Variants in APBB1IP observed in about 807,000 individuals in gnomAD.
APBB1IP encodes the protein amyloid beta A4 precursor protein-binding family B member 1-interacting protein.
Under a neutral mutation model 64.9 loss-of-function variants are expected in APBB1IP, and 27 were observed. The observed-to-expected ratio is 0.42, with a 90% confidence interval of 0.31 to 0.57. APBB1IP has a LOEUF of 0.57. Among genes scored for constraint, APBB1IP ranks in the 20% least tolerant of loss-of-function variants. The pLI is 0.20. For missense variants in APBB1IP, 812 were observed against 845.5 expected, an observed-to-expected ratio of 0.96 and a Z score of 0.49; for synonymous variants, 392 against 331.0, an observed-to-expected ratio of 1.18 and a Z score of -2.00.
At chr10:26,534,016 T>A (rs1344923843) in intron 9 of APBB1IP, among the ~76,000 whole-genome samples, 2 of 151,736 alleles carry the variant, frequency 1.3e-5, no homozygotes, top group African/African-American at 4.8e-5. Context: ...TATTGAATTA[T>A]CACAGAGATT....
chr10:26,445,668 G>GT (rs1835390043), intron 2 of APBB1IP, among the ~76,000 whole-genome samples: 1 of 152,202 alleles, frequency 6.6e-6, no homozygotes, highest in South Asian at 2.1e-4. Context: ...CCACAAAGAA[G>GT]TTTTTTGTGC....
chr10:26,562,518 A>C, intron 14 of APBB1IP, 89 bp downstream of exon 14: 1 of 1,107,406 alleles, frequency 9.0e-7, no homozygotes, highest in African/African-American at 1.5e-5. Context: ...AGAGAAAATA[A>C]GCTGAGTGCA....
intron 8 of APBB1IP, among the ~76,000 whole-genome samples, chr10:26,529,553 G>C (rs1213950863): frequency 6.6e-6 from 1 of 152,196 alleles, no homozygotes; most frequent in Non-Finnish European, 1.5e-5. Flanking sequence ...GTTTAGACAG[G>C]TTCTTCCCTG....
chr10:26,521,198 C>CT, intron 8 of APBB1IP, among the ~76,000 whole-genome samples: 1 of 152,136 alleles, frequency 6.6e-6, no homozygotes, highest in East Asian at 1.9e-4. Flanking sequence ...AAGTATGAGT[C>CT]TAACTATTGA....
chr10:26,489,607 A>G (rs1016376819), intron 2 of APBB1IP, among the ~76,000 whole-genome samples: 18 of 152,246 alleles, frequency 1.2e-4, no homozygotes, highest in Non-Finnish European at 1.8e-4. Flanking sequence ...TGGGTGCTAA[A>G]TGTTGCTAAT....
At chr10:26,558,371 C>T (rs1415162426) in intron 11 of APBB1IP, among the ~76,000 whole-genome samples, 1 of 152,112 alleles carries the variant, frequency 6.6e-6, no homozygotes, top group Non-Finnish European at 1.5e-5. Flanking sequence ...GACATCTGGA[C>T]TGGAATACCT....
intron 2 of APBB1IP, among the ~76,000 whole-genome samples, chr10:26,478,437 G>C (rs1224675569): frequency 1.3e-5 from 2 of 152,122 alleles, no homozygotes; most frequent in African/African-American, 4.8e-5. Context: ...TGTAATCCCA[G>C]CACTTTGGGA....
At chr10:26,503,304 C>A (rs1440204877) in intron 6 of APBB1IP, 30 bp downstream of exon 6, 2 of 1,607,870 alleles carry the variant, frequency 1.2e-6, no homozygotes, top group Admixed American at 3.4e-5. Flanking sequence ...TGCATGGGGG[C>A]AGTTCAATTA....
intron 2 of APBB1IP, among the ~76,000 whole-genome samples, chr10:26,469,258 CTTTTTTTTTTTTT>C (rs386361721): frequency 8.9e-6 from 1 of 112,946 alleles, no homozygotes; most frequent in East Asian, 2.5e-4. Flanking sequence ...CTTTTCTTTT[CTTTTTTTTTTTTT>C]TTTTTTGAGA....
chr10:26,443,486 G>A (rs1252156178), intron 2 of APBB1IP, among the ~76,000 whole-genome samples: 1 of 151,364 alleles, frequency 6.6e-6, no homozygotes, highest in African/African-American at 2.4e-5. Flanking sequence ...AATAAATAAA[G>A]GAGGCAAAAG....
At chr10:26,513,750 C>T in intron 8 of APBB1IP, 90 bp downstream of exon 8, 1 of 1,449,484 alleles carries the variant, frequency 6.9e-7, no homozygotes, top group Non-Finnish European at 9.2e-7. Context: ...GAGACAGGGT[C>T]TGAAAGGCTG....
Position 26,567,249 on chromosome 10 carries a change from C to T in APBB1IP, c.1762C>T (p.Pro588Ser). ...CCCAGACTTCGTGCCCCCGCCCCCGCCGTCGTACGCAGGGATCGCGGGCTC... is the reference window on the plus strand; with the variant it reads ...CCCAGACTTCGTGCCCCCGCCCCCGTCGTCGTACGCAGGGATCGCGGGCTC... ...PPPDFVPPPP[P>S]SYAGIAGSEL... Residue 588 changes from proline (P) to serine (S), a missense_variant, in exon 15 of 15, where the codon CCG becomes TCG. Pro to Ser is a moderately conservative substitution (Grantham distance 74). Around this residue, in one of 3 missense-constraint regions of APBB1IP, gnomAD observed 381 missense variants for 352.1 expected, o/e 1.08. Coordinates refer to ENST00000376236, the MANE Select transcript of APBB1IP (RefSeq NM_019043.4). 1 of 1,319,266 alleles carries T rather than the reference C, an allele frequency of 7.6e-7. No homozygotes were observed. Among genetic ancestry groups the T allele is most frequent in the South Asian group, 1.7e-5 (1 of 57,536 alleles). The allele number at this position is 1,319,266 out of a possible 1,614,324, so 81.7% of individuals were successfully genotyped here. A position where few individuals can be genotyped will look rare whatever the true frequency, so the allele number is the denominator to read the frequency against.
chr10:26,546,557 C>G (rs1275232907), intron 11 of APBB1IP, among the ~76,000 whole-genome samples: 2 of 152,184 alleles, frequency 1.3e-5, no homozygotes, highest in East Asian at 3.8e-4. Context: ...ATCCTCTCTT[C>G]TAGCTGTTTG....
intron 2 of APBB1IP, among the ~76,000 whole-genome samples, chr10:26,445,891 A>C (rs1445149748): frequency 6.6e-6 from 1 of 152,176 alleles, no homozygotes; most frequent in Non-Finnish European, 1.5e-5. Flanking sequence ...TGATCGAGAT[A>C]AGTGACATTT....
At chr10:26,547,740 C>T (rs767048037) in intron 11 of APBB1IP, among the ~76,000 whole-genome samples, 3 of 152,092 alleles carry the variant, frequency 2.0e-5, no homozygotes, top group East Asian at 3.8e-4. Flanking sequence ...CCACTGCGCC[C>T]GGCCAGTTTT....
Position 26,567,767 on chromosome 10 carries a change from C to A in APBB1IP, c.*279C>A. ...TTAGGTTCATTTATTTTATTATGTTCAGAAGCATCAAATAAAAGTTAAACG... is the reference window on the plus strand; with the variant it reads ...TTAGGTTCATTTATTTTATTATGTTAAGAAGCATCAAATAAAAGTTAAACG... On this transcript the variant is annotated 3_prime_UTR_variant, in exon 15 of 15. Transcript: ENST00000376236. 1 of 498,408 alleles carries A rather than the reference C, an allele frequency of 2.0e-6. No homozygotes were observed. Among genetic ancestry groups the A allele is most frequent in the Non-Finnish European group, 2.9e-6 (1 of 340,356 alleles). The allele number at this position is 498,408 out of a possible 1,614,324, so 30.9% of individuals were successfully genotyped here.
chr10:26,514,141 T>C (rs1836296040), intron 8 of APBB1IP, among the ~76,000 whole-genome samples: 1 of 152,330 alleles, frequency 6.6e-6, no homozygotes, highest in Non-Finnish European at 1.5e-5. Flanking sequence ...TCTTAAGCTA[T>C]ATGTACGCTA....
At chr10:26,465,763 C>T (rs1835641169) in intron 2 of APBB1IP, among the ~76,000 whole-genome samples, 2 of 152,158 alleles carry the variant, frequency 1.3e-5, no homozygotes, top group Non-Finnish European at 1.5e-5. Flanking sequence ...TTCTCAGAGC[C>T]TTCATTTCTT....
intron 11 of APBB1IP, among the ~76,000 whole-genome samples, chr10:26,556,200 C>G (rs932061362): frequency 6.6e-6 from 1 of 152,190 alleles, no homozygotes; most frequent in Non-Finnish European, 1.5e-5. Flanking sequence ...GACACTGCAC[C>G]AGCATTTTCC....
Sources: gnomAD v4.1 joint callset for allele counts (sites outside exome capture counted in the v4.1 genomes callset) on GRCh38, gnomAD v4.1.1 for gene constraint, gnomAD v4.1.1 regional missense constraint, MANE v1.5 for transcripts, NCBI Gene and HGNC (gene_info 2026-07-23, HGNC 2026-07-21) for gene names.